The following MBD5 variants were observed in gnomAD, a reference collection of about 807,000 sequenced individuals.
MBD5 encodes methyl-CpG-binding domain protein 5.
MBD5 carries 13 observed loss-of-function variants against 117.3 expected under a neutral mutation model. The observed-to-expected ratio is 0.11, with a 90% CI of 0.07 to 0.18. The LOEUF (loss-of-function observed/expected upper bound fraction) is 0.18, where lower values mean the gene tolerates loss of function less well. Ranked by LOEUF, MBD5 falls within the 10% of genes least tolerant of loss-of-function variation. MBD5 has a pLI of 1.00. For missense variants in MBD5, 1,879 were observed against 2,093.8 expected (o/e 0.90, Z 2.00); for synonymous variants, 727 against 766.4 (o/e 0.95, Z 0.85).
intron 1 of MBD5, among the ~76,000 whole-genome samples, chr2:148,149,141 C>G (rs886899965): frequency 2.0e-5 from 3 of 147,012 alleles, no homozygotes; most frequent in African/African-American, 7.6e-5. Context: ...TTCCTGTGTC[C>G]ATGTGATCTC....
intron 4 of MBD5, among the ~76,000 whole-genome samples, chr2:148,407,549 G>C (rs543956245): frequency 6.6e-6 from 1 of 152,224 alleles, no homozygotes; most frequent in Non-Finnish European, 1.5e-5. Flanking sequence ...TTGTCATTCA[G>C]CATCAGTCAC....
intron 1 of MBD5, among the ~76,000 whole-genome samples, chr2:148,132,765 A>T (rs1163452828): frequency 6.6e-6 from 1 of 152,184 alleles, no homozygotes; most frequent in African/African-American, 2.4e-5. Flanking sequence ...TCAATTAATC[A>T]TACATCATTT....
At chr2:148,244,389 T>A (rs1700288609) in intron 3 of MBD5, 1 of 152,186 alleles carries the variant, frequency 6.6e-6, no homozygotes, top group African/African-American at 2.4e-5. Context: ...TATGAGACAG[T>A]AGTTAAACCA....
At chr2:148,305,144 C>A (rs555189885) in intron 3 of MBD5, among the ~76,000 whole-genome samples, 2 of 152,114 alleles carry the variant, frequency 1.3e-5, no homozygotes, top group South Asian at 2.1e-4. Flanking sequence ...CTAAACTGAT[C>A]CAGCAGGATA....
chr2:148,234,887 AT>A (rs1700059688), intron 3 of MBD5, among the ~76,000 whole-genome samples: 1 of 152,170 alleles, frequency 6.6e-6, no homozygotes, highest in Admixed American at 6.5e-5. Context: ...CCACTTAACT[AT>A]TTTTAAAAAC....
chr2:148,258,070 T>C (rs1156778678), intron 3 of MBD5, among the ~76,000 whole-genome samples: 1 of 152,126 alleles, frequency 6.6e-6, no homozygotes, highest in Non-Finnish European at 1.5e-5. Flanking sequence ...GTCTCAGTTA[T>C]CTCTGTATGT....
rs200077401 is a variant in MBD5 at position 148,168,978 on chromosome 2, A to AAT, written c.-924-9707_-924-9706dup. Among the ~76,000 whole-genome samples, 1,380 of 147,404 alleles carry AAT rather than the reference A, an allele frequency of 9.4e-3. 15 individuals carry two copies. The highest frequency in any genetic ancestry group is 0.026 in the African/African-American group (1,071 of 40,590). On this transcript the variant is annotated intron_variant, in intron 1 of 13. Transcript: ENST00000642680. Reference sequence around the variant, plus strand: ...GTATATATAGGATATATATACGTATAATATATATATATATATTCCAAAAGT... The same window carrying AAT: ...GTATATATAGGATATATATACGTATAATATATATATATATATATTCCAAAAGT...
chr2:148,383,170 G>C (rs1704213437), intron 4 of MBD5, among the ~76,000 whole-genome samples: 1 of 152,038 alleles, frequency 6.6e-6, no homozygotes, highest in Non-Finnish European at 1.5e-5. Context: ...TCCAGGAGCT[G>C]TTTTTTTGAA....
intron 2 of MBD5, among the ~76,000 whole-genome samples, chr2:148,212,254 G>C (rs1024842741): frequency 3.3e-5 from 5 of 152,048 alleles, no homozygotes; most frequent in Non-Finnish European, 7.4e-5. Context: ...TCAACTCCTA[G>C]TCCTGGCAAA....
chr2:148,271,909 A>T (rs1225714008), intron 3 of MBD5, among the ~76,000 whole-genome samples: 1 of 152,118 alleles, frequency 6.6e-6, no homozygotes, highest in Non-Finnish European at 1.5e-5. Flanking sequence ...TGTCCAGCTG[A>T]AATTCTGTAC....
At chr2:148,504,316 A>G (rs568858827) in intron 12 of MBD5, among the ~76,000 whole-genome samples, 1 of 152,352 alleles carries the variant, frequency 6.6e-6, no homozygotes, top group South Asian at 2.1e-4. Flanking sequence ...GCCCAGTAGA[A>G]TGCTTTACAT....
chr2:148,342,695 C>T (rs1457767457), intron 4 of MBD5, among the ~76,000 whole-genome samples: 1 of 151,868 alleles, frequency 6.6e-6, no homozygotes, highest in Non-Finnish European at 1.5e-5. Context: ...CACCATAGGG[C>T]TTAAATGGTG....
chr2:148,318,071 A>C lies in MBD5; in HGVS notation c.-679-24143A>C, dbSNP rs115612602. 5.8e-3 allele frequency among the ~76,000 whole-genome samples: 877 copies of C among 152,296 alleles called. 7 individuals carry two copies. Among genetic ancestry groups the C allele is most frequent in the Middle Eastern group, 0.02 (6 of 294 alleles). ...GGTTGTACTAATTTACATTCCTACCAATGGTGTATACATATTTTCTATTAT... is the reference window on the plus strand; with the variant it reads ...GGTTGTACTAATTTACATTCCTACCCATGGTGTATACATATTTTCTATTAT... On this transcript the variant is annotated intron_variant, in intron 3 of 13. Transcript: ENST00000642680.
chr2:148,287,330 C>T (rs1701389124), intron 3 of MBD5, among the ~76,000 whole-genome samples: 2 of 152,160 alleles, frequency 1.3e-5, no homozygotes, highest in African/African-American at 4.8e-5. Context: ...TATGTTTACA[C>T]CATCCATTGA....
At chr2:148,201,665 A>C (rs1370731293) in intron 2 of MBD5, among the ~76,000 whole-genome samples, 1 of 152,144 alleles carries the variant, frequency 6.6e-6, no homozygotes, top group African/African-American at 2.4e-5. Flanking sequence ...TTATGCTGAC[A>C]ATCAAAGGGT....
At chr2:148,503,700 G>A (rs1006266371) in intron 12 of MBD5, among the ~76,000 whole-genome samples, 3 of 152,164 alleles carry the variant, frequency 2.0e-5, no homozygotes, top group African/African-American at 7.2e-5. Flanking sequence ...TTAATTGCCG[G>A]ATAACATCCC....
chr2:148,095,846 G>A (rs993533862), intron 1 of MBD5, among the ~76,000 whole-genome samples: 4 of 151,858 alleles, frequency 2.6e-5, no homozygotes, highest in Admixed American at 2.0e-4. Flanking sequence ...GGTTCTCTGA[G>A]CTATAAAGCC....
chr2:148,253,742 A>ACT (rs1161192957), intron 3 of MBD5, among the ~76,000 whole-genome samples: 1 of 152,046 alleles, frequency 6.6e-6, no homozygotes, highest in Non-Finnish European at 1.5e-5. Context: ...ACATGGCTTT[A>ACT]CTCTCTCTCT....
chr2:148,393,357 T>A (rs1001291826), intron 4 of MBD5: 5 of 152,080 alleles, frequency 3.3e-5, no homozygotes, highest in African/African-American at 1.2e-4. Flanking sequence ...CCTCCAACAG[T>A]CAAAAGTCTG....
Sources: gnomAD v4.1 joint callset for allele counts (sites outside exome capture counted in the v4.1 genomes callset) on GRCh38, gnomAD v4.1.1 for gene constraint, MANE v1.5 for transcripts, NCBI Gene and HGNC (gene_info 2026-07-23, HGNC 2026-07-21) for gene names.